Variants in LRP1 observed in about 807,000 individuals in gnomAD.
The protein encoded by LRP1 is prolow-density lipoprotein receptor-related protein 1.
In LRP1, 51 loss-of-function variants were observed where a neutral mutation model predicts 541.5. That is an observed-to-expected ratio of 0.09 (90% CI 0.08 to 0.12). The LOEUF is 0.12. Among genes scored for constraint, LRP1 ranks in the 10% least tolerant of loss-of-function variants. LRP1 has a pLI of 1.00. For missense variants in LRP1, 3,878 were observed against 6,376.2 expected (o/e 0.61, Z 13.34); for synonymous variants, 2,219 against 2,470.8 (o/e 0.90, Z 3.02).
chr12:57,185,654 A>C lies in LRP1; in HGVS notation c.6587A>C (p.Glu2196Ala). ...MLAEDGASCR[E>A]YAGYLLYSER... ...GCTGAAGACGGAGCATCGTGCCGCG[A>C]GTATGCCGGCTACCTGCTCTACTCA... Residue 2196 changes from glutamate to alanine, a missense_variant, in exon 41 of 89, where the codon GAG (glutamate) becomes GCG (alanine). Glu to Ala is a moderately radical substitution (Grantham distance 107). This residue lies in a region of LRP1 where 1,100 missense variants were observed against 1,827.4 expected (regional missense o/e 0.60). Transcript: ENST00000243077. The surrounding 1 kb of genome is among the most constrained non-coding windows in gnomAD (Gnocchi z 4.9). 1.2e-6 allele frequency: 2 copies of C among 1,613,288 alleles called. No individual in the cohort carries two copies. Among genetic ancestry groups the C allele is most frequent in the Non-Finnish European group, 1.7e-6 (2 of 1,179,956 alleles).
chr12:57,172,459 G>A (rs950402104), intron 20 of LRP1, among the ~76,000 whole-genome samples: 7 of 152,272 alleles, frequency 4.6e-5, no homozygotes, highest in Non-Finnish European at 5.9e-5. Context: ...GTGAGCCACC[G>A]CGCCTGGCCT....
chr12:57,209,763 G>C lies in LRP1; in HGVS notation c.12334G>C (p.Val4112Leu). Residue 4112 changes from valine (V) to leucine (L), a missense_variant, in exon 80 of 89, where the codon GTC becomes CTC. By Grantham distance (32) the Val-to-Leu change is conservative. Coordinates refer to ENST00000243077, the MANE Select transcript of LRP1 (RefSeq NM_002332.3). ...IYGVTYINNR[V>L]FKIHKFGHSP... ...TGGTGTCACCTACATCAATAATCGT[G>C]TCTTCAAGATCCATAAGTTTGGCCA... The C allele has an allele frequency of 6.2e-7, 1 of 1,614,218 alleles. No individual in the cohort carries two copies. The highest frequency in any genetic ancestry group is 8.5e-7 in the Non-Finnish European group (1 of 1,180,026).
At chr12:57,203,131 G>A in intron 68 of LRP1, 50 bp from the exon 69 acceptor site, 2 of 1,331,818 alleles carry the variant, frequency 1.5e-6, no homozygotes, top group Non-Finnish European at 1.0e-6. Context: ...ACTGAGGCCT[G>A]GAGTCCTTGT....
In LRP1 at chr12:57,201,935, A is replaced by G. The variant is rs2136742289; in HGVS notation, c.10594+30A>G. ...GCCGAGACCCCACTCCAGGAGGAAG[A>G]CAGTCTACCTGGGTGGGAGGCATGG... On this transcript the variant is annotated intron_variant, in intron 67 of 88. Transcript: ENST00000243077. This position sits in a 1 kb window ranked among gnomAD's most constrained non-coding sequence, Gnocchi z 6.4. 1 of 1,613,118 alleles carries G rather than the reference A, an allele frequency of 6.2e-7. No individual in the cohort carries two copies. The highest frequency in any genetic ancestry group is 8.5e-7 in the Non-Finnish European group (1 of 1,179,570).
Position 57,203,292 on chromosome 12 carries a change from G to A in LRP1, c.10818+5G>A. ...TGCGCGGACGGCTCGGACGAGGTGGGCAGGGAGATGAGAAGGAAGCAGATG... is the reference window on the plus strand; with the variant it reads ...TGCGCGGACGGCTCGGACGAGGTGGACAGGGAGATGAGAAGGAAGCAGATG... On this transcript the variant is annotated splice_donor_5th_base_variant and intron_variant, in intron 69 of 88. Coordinates refer to ENST00000243077, the MANE Select transcript of LRP1 (RefSeq NM_002332.3). 6.2e-7 allele frequency: 1 copy of A among 1,601,098 alleles called. No homozygotes were observed. Among genetic ancestry groups the A allele is most frequent in the Non-Finnish European group, 8.5e-7 (1 of 1,170,742 alleles).
Position 57,179,392 on chromosome 12 carries a change from C to T in LRP1, c.4802C>T (p.Pro1601Leu). The T allele has an allele frequency of 1.2e-6, 2 of 1,614,246 alleles. No individual in the cohort carries two copies. The highest frequency in any genetic ancestry group is 8.5e-7 in the Non-Finnish European group (1 of 1,180,048). The change falls in exon 29 of 89, where the codon CCC becomes CTC. Residue 1601 changes from proline (P) to leucine (L), a missense_variant. By Grantham distance (98) the Pro-to-Leu change is moderately conservative. Transcript: ENST00000243077. The surrounding 1 kb of genome is among the most constrained non-coding windows in gnomAD (Gnocchi z 6.8). Reference sequence around the variant, plus strand: ...ATCCGAGGTGTGGACCTGGATGCTCCCTACTACAACTACATCATCTCCTTC... The same window carrying T: ...ATCCGAGGTGTGGACCTGGATGCTCTCTACTACAACTACATCATCTCCTTC... ...MEIRGVDLDAPYYNYIISFTV... is the reference protein window; with the variant it reads ...MEIRGVDLDALYYNYIISFTV...
chr12:57,202,034 G>C (rs2036668280), intron 67 of LRP1, 129 bp downstream of exon 67: 1 of 1,241,262 alleles, frequency 8.1e-7, no homozygotes, highest in Non-Finnish European at 1.1e-6. Context: ...GGGCTTCCTG[G>C]GCCTGCTGTG....
At chr12:57,203,051 G>C in intron 68 of LRP1, 130 bp from the exon 69 acceptor site, 3 of 687,804 alleles carry the variant, frequency 4.4e-6, no homozygotes, top group Non-Finnish European at 4.8e-6. Flanking sequence ...GGACTGGCTC[G>C]GCCTCTGGGT....
intron 1 of LRP1, among the ~76,000 whole-genome samples, chr12:57,132,338 T>A (rs1045952866): frequency 1.3e-5 from 2 of 152,120 alleles, no homozygotes; most frequent in Admixed American, 1.3e-4. Flanking sequence ...CCTCTCCCTC[T>A]CCCACCAGGC....
At chr12:57,186,416 T>C (rs569458857) in intron 41 of LRP1, among the ~76,000 whole-genome samples, 199 of 152,344 alleles carry the variant, frequency 1.3e-3, no homozygotes, top group African/African-American at 4.7e-3. Context: ...TTCAGCTCTT[T>C]GAAAACTGCA....
chr12:57,141,472 G>A lies in LRP1; in HGVS notation c.289G>A (p.Asp97Asn). Residue 97 changes from aspartate (D) to asparagine (N), a missense_variant, in exon 3 of 89, where the codon GAC becomes AAC. By Grantham distance (23) the Asp-to-Asn change is conservative (BLOSUM62 1). Around this residue, in one of 13 missense-constraint regions of LRP1, gnomAD observed 293 missense variants for 403.7 expected, o/e 0.73. Transcript: ENST00000243077. Reference sequence around the variant, plus strand: ...GTCCCGCCTCTGCAATGGGGTCCAGGACTGCATGGACGGCTCAGATGAGGG... The same window carrying A: ...GTCCCGCCTCTGCAATGGGGTCCAGAACTGCATGGACGGCTCAGATGAGGG... ...PMSRLCNGVQ[D>N]CMDGSDEGPH... The A allele has an allele frequency of 1.2e-6, 2 of 1,614,176 alleles. No homozygotes were observed. The highest frequency in any genetic ancestry group is 1.1e-5 in the South Asian group (1 of 91,068).
rs1426634794 is a variant in LRP1, at chr12:57,173,178, C to A, written c.3174C>A (p.Pro1058=). Residue 1058 remains proline (P), a synonymous_variant, in exon 21 of 89, where the codon CCC becomes CCA. Transcript: ENST00000243077. The surrounding 1 kb of genome is among the most constrained non-coding windows in gnomAD (Gnocchi z 4.7). ...ACTGTCCCTCTGCAGCCACGAGGCC[C>A]CCTGGTGGCTGCCACACTGATGAGT... ...HANCTNQATR[P]PGGCHTDEFQ... 1.9e-6 allele frequency: 3 copies of A among 1,608,096 alleles called. No homozygotes were observed. The highest frequency in any genetic ancestry group is 2.6e-6 in the Non-Finnish European group (3 of 1,176,316).
chr12:57,141,383 G>T lies in LRP1; in HGVS notation c.200G>T (p.Ser67Ile), dbSNP rs866910088. The T allele has an allele frequency of 3.1e-6, 5 of 1,614,080 alleles. No homozygotes were observed. Among genetic ancestry groups the T allele is most frequent in the Non-Finnish European group, 3.4e-6 (4 of 1,180,044 alleles). The change falls in exon 3 of 89, where the codon AGT becomes ATT. Residue 67 changes from serine (S) to isoleucine (I), a missense_variant. Physicochemically the swap from Ser to Ile is moderately radical, Grantham distance 142. Transcript: ENST00000243077. ...TTCTGTCTGCCCTCAGGTCCACAGAGTAAGGCCCAGCGATGCCAGCCAAAC... is the reference window on the plus strand; with the variant it reads ...TTCTGTCTGCCCTCAGGTCCACAGATTAAGGCCCAGCGATGCCAGCCAAAC... ...SDEAPEICPQ[S>I]KAQRCQPNEH...
At chr12:57,202,597 G>A (rs1278761145) in intron 68 of LRP1, 60 bp downstream of exon 68, 21 of 1,346,722 alleles carry the variant, frequency 1.6e-5, no homozygotes, top group East Asian at 2.6e-5. Context: ...CTTGTCTCGC[G>A]GCCCTCCTGC....
intron 1 of LRP1, among the ~76,000 whole-genome samples, chr12:57,133,834 C>A (rs1488776539): frequency 2.6e-5 from 4 of 152,030 alleles, no homozygotes; most frequent in African/African-American, 9.7e-5. Context: ...AGAAGCACCT[C>A]TAAGGTCTTA....
chr12:57,132,569 C>T (rs1434162932), intron 1 of LRP1, among the ~76,000 whole-genome samples: 2 of 152,236 alleles, frequency 1.3e-5, no homozygotes, highest in Non-Finnish European at 2.9e-5. Context: ...GTGTCATCCC[C>T]TTGGCAATCT....
chr12:57,175,754 G>A (rs1184145944), intron 23 of LRP1, 49 bp downstream of exon 23: 3 of 1,550,974 alleles, frequency 1.9e-6, no homozygotes, highest in Admixed American at 3.6e-5. Flanking sequence ...AGGCCTCTGA[G>A]CTGCAGTGGG....
rs998212082 is a variant in LRP1, at chr12:57,205,038, A to C, written c.11195-71A>C. 11 of 1,539,258 alleles carry C rather than the reference A, an allele frequency of 7.1e-6. No individual in the cohort carries two copies. The African/African-American group carries it at 1.2e-4, about 17-fold the overall frequency. ...CACTTAGGAATTGGGAGCCACTGTT[A>C]TCTATGGGGTTGCCGTGGGAGGAGG... On this transcript the variant is annotated intron_variant, in intron 72 of 88. Coordinates refer to ENST00000243077, the MANE Select transcript of LRP1 (RefSeq NM_002332.3). The surrounding 1 kb of genome is among the most constrained non-coding windows in gnomAD (Gnocchi z 4.6).
At chr12:57,202,808 C>G (rs1354299825) in intron 68 of LRP1, 4 of 583,646 alleles carry the variant, frequency 6.9e-6, no homozygotes, top group Non-Finnish European at 1.2e-5. Context: ...ACCCCCACCT[C>G]TGTCCCAGAG....
Sources: gnomAD v4.1 joint callset for allele counts (sites outside exome capture counted in the v4.1 genomes callset) on GRCh38, gnomAD v4.1.1 for gene constraint, gnomAD v4.1.1 regional missense constraint, Gnocchi (gnomAD v3.1) non-coding constraint, MANE v1.5 for transcripts, NCBI Gene and HGNC (gene_info 2026-07-23, HGNC 2026-07-21) for gene names.